The following GTF2A1L variants were observed in gnomAD, a reference collection of about 807,000 sequenced individuals.
The protein encoded by GTF2A1L is general transcription factor IIA subunit 1 like, also known as TFIIA-alpha and beta-like factor.
A neutral mutation model predicts 49.7 loss-of-function variants in GTF2A1L; 48 were observed. The ratio of observed to expected loss-of-function variants is 0.97; its 90% CI spans 0.77 to 1.23. The LOEUF is 1.23. GTF2A1L is among the 50% of genes most tolerant of loss of function. The probability of loss-of-function intolerance (pLI) is 0.00; values close to 1 mark genes in which losing one functional copy is unlikely to be tolerated. For missense variants in GTF2A1L, 736 were observed against 564.8 expected, an observed-to-expected ratio of 1.30 and a Z score of -3.07; for synonymous variants, 246 against 193.5, an observed-to-expected ratio of 1.27 and a Z score of -2.25.
intron 1 of GTF2A1L, among the ~76,000 whole-genome samples, chr2:48,619,498 A>AAT (rs1558690079): frequency 7.3e-5 from 11 of 150,408 alleles, no homozygotes; most frequent in African/African-American, 7.4e-5. Context: ...ATAATAATAA[A>AAT]AAAAAAGCAC....
At chr2:48,635,986 T>G (rs1676866356) in intron 3 of GTF2A1L, among the ~76,000 whole-genome samples, 1 of 152,178 alleles carries the variant, frequency 6.6e-6, no homozygotes, top group South Asian at 2.1e-4. Flanking sequence ...GGAGGCTGTC[T>G]TTCTCTCTCA....
At chr2:48,664,993 C>G (rs1678733495) in intron 6 of GTF2A1L, among the ~76,000 whole-genome samples, 1 of 152,000 alleles carries the variant, frequency 6.6e-6, no homozygotes, top group East Asian at 1.9e-4. Flanking sequence ...ATGATCTCGG[C>G]TCACTGCAAC....
At position 48,646,774 on chromosome 2, in the gene GTF2A1L, A is replaced by C; in HGVS notation, c.710A>C (p.Glu237Ala). 6.2e-7 allele frequency: 1 copy of C among 1,614,194 alleles called. No homozygotes were observed. The highest frequency in any genetic ancestry group is 1.1e-5 in the South Asian group (1 of 91,080). The change falls in exon 6 of 9, where the codon GAA becomes GCA. Residue 237 changes from glutamate (E) to alanine (A), a missense_variant. Physicochemically the swap from Glu to Ala is moderately radical, Grantham distance 107. Transcript: ENST00000403751. ...CCTGAAGCTTTGTTGTGTCATCAGG[A>C]AAGTTCTCACTATATCAGTCTTCCA... ...IVPEALLCHQ[E>A]SSHYISLPGV...
At chr2:48,649,486 A>T (rs547933392) in intron 6 of GTF2A1L, among the ~76,000 whole-genome samples, 117 of 152,252 alleles carry the variant, frequency 7.7e-4, no homozygotes, top group African/African-American at 2.6e-3. Flanking sequence ...AGCTTCAGGG[A>T]TCAGAATTGT....
At chr2:48,667,742 A>G (rs1469768638) in intron 6 of GTF2A1L, among the ~76,000 whole-genome samples, 1 of 152,192 alleles carries the variant, frequency 6.6e-6, no homozygotes. Flanking sequence ...TTTGTTGGGT[A>G]TACTTTTTTG....
At chr2:48,644,323 CT>C (rs1677374251) in intron 4 of GTF2A1L, among the ~76,000 whole-genome samples, 1 of 152,130 alleles carries the variant, frequency 6.6e-6, no homozygotes, top group South Asian at 2.1e-4. Flanking sequence ...TAGGGATACT[CT>C]TTTTACTGTT....
chr2:48,647,285 C>G (rs1473923932), intron 6 of GTF2A1L, among the ~76,000 whole-genome samples: 5 of 152,038 alleles, frequency 3.3e-5, no homozygotes, highest in Non-Finnish European at 1.5e-5. Flanking sequence ...TATATACATT[C>G]ACATGTGGTA....
At chr2:48,632,220 G>A (rs1261762137) in intron 3 of GTF2A1L, 2 of 152,126 alleles carry the variant, frequency 1.3e-5, no homozygotes, top group Admixed American at 6.6e-5. Context: ...CTCTATAGAA[G>A]TTATCTAATG....
chr2:48,674,962 G>A (rs929625271), intron 8 of GTF2A1L, among the ~76,000 whole-genome samples: 4 of 152,076 alleles, frequency 2.6e-5, no homozygotes, highest in South Asian at 2.1e-4. Flanking sequence ...CATTTTAAAA[G>A]GGGAGTGATG....
intron 1 of GTF2A1L, among the ~76,000 whole-genome samples, chr2:48,620,376 A>G (rs1038658477): frequency 5.3e-5 from 8 of 152,252 alleles, no homozygotes; most frequent in Non-Finnish European, 7.3e-5. Flanking sequence ...AGCTAAGACT[A>G]TATTGGGAAT....
intron 5 of GTF2A1L, 40 bp downstream of exon 5, chr2:48,645,157 G>T: frequency 1.3e-6 from 2 of 1,547,924 alleles, no homozygotes; most frequent in South Asian, 1.2e-5. Flanking sequence ...TTTCAGCATT[G>T]GTACTATTTT....
chr2:48,622,409 A>G (rs1676052359), intron 3 of GTF2A1L, among the ~76,000 whole-genome samples: 1 of 152,206 alleles, frequency 6.6e-6, no homozygotes. Context: ...TTAATTTTAA[A>G]CTACTATTTC....
intron 7 of GTF2A1L, 102 bp from the exon 8 acceptor site, chr2:48,671,489 C>A: frequency 3.3e-6 from 4 of 1,212,110 alleles, no homozygotes; most frequent in Non-Finnish European, 4.6e-6. Context: ...TAGGAATGAG[C>A]CACCACGCCG....
chr2:48,646,511 T>G lies in GTF2A1L; in HGVS notation c.447T>G (p.Gly149=). The G allele has an allele frequency of 2.5e-6, 4 of 1,614,038 alleles. No individual in the cohort carries two copies. Among genetic ancestry groups the G allele is most frequent in the Non-Finnish European group, 3.4e-6 (4 of 1,179,994 alleles). The change falls in exon 6 of 9, where the codon GGT becomes GGG. Residue 149 remains glycine, a synonymous_variant. Transcript: ENST00000403751. ...IMVTETSGRA[G]ILQHPIQQVF... ...TGACAGAGACTTCTGGAAGAGCAGG[T>G]ATTCTTCAGCATCCAATTCAGCAAG... is the stretch of plus-strand genomic sequence containing the variant.
chr2:48,618,024 G>T, intron 1 of GTF2A1L, 129 bp downstream of exon 1: 1 of 946,608 alleles, frequency 1.1e-6, no homozygotes, highest in African/African-American at 1.7e-5. Context: ...TCTTCCTTAG[G>T]GGCTGGGGCT....
At chr2:48,678,295 G>T (rs561828768) in intron 8 of GTF2A1L, among the ~76,000 whole-genome samples, 3 of 151,824 alleles carry the variant, frequency 2.0e-5, no homozygotes, top group African/African-American at 7.3e-5. Context: ...TGTTGTCACC[G>T]TTGTATTCCC....
chr2:48,646,204 G>A lies in GTF2A1L; in HGVS notation c.389-249G>A, dbSNP rs181813652. On this transcript the variant is annotated intron_variant, in intron 5 of 8. Coordinates refer to ENST00000403751, the MANE Select transcript of GTF2A1L (RefSeq NM_006872.5). ...ATGTATCTCAAAGTGTGCCATAAAA[G>A]CAATTGTGGGAAAAGTCTGGAATTA... Among the ~76,000 whole-genome samples the A allele has an allele frequency of 2.2e-3, 331 of 151,954 alleles. 2 individuals are homozygous for A. Among genetic ancestry groups the A allele is most frequent in the Non-Finnish European group, 3.9e-3 (263 of 67,956 alleles).
Position 48,679,547 on chromosome 2 carries a change from A to T in GTF2A1L, c.*105A>T. On this transcript the variant is annotated 3_prime_UTR_variant, in exon 9 of 9. Transcript: ENST00000403751. ...TATAGTCCAGCACAGAGCTGTTCAA[A>T]TTTTTAGTTCACTGTATGGAATTTA... 6.7e-7 allele frequency: 1 copy of T among 1,496,628 alleles called. No individual in the cohort carries two copies. The highest frequency in any genetic ancestry group is 1.4e-5 in the South Asian group (1 of 73,138). 92.7% of individuals were successfully genotyped at this position (1,496,628 alleles called of 1,614,324 possible).
chr2:48,635,295 G>T (rs1292346050), intron 3 of GTF2A1L, among the ~76,000 whole-genome samples: 1 of 151,268 alleles, frequency 6.6e-6, no homozygotes, highest in Non-Finnish European at 1.5e-5. Context: ...TAATCAAGGT[G>T]AGTGGGTGCT....
Sources: allele counts gnomAD v4.1 joint callset (sites outside exome capture counted in the v4.1 genomes callset), GRCh38; gene constraint gnomAD v4.1.1; transcripts MANE v1.5; gene names NCBI Gene and HGNC (gene_info 2026-07-23, HGNC 2026-07-21).